FBH1: variants seen among roughly 807,000 people sequenced by gnomAD.
The protein encoded by FBH1 is DNA 3'-5' helicase 1.
In FBH1, 43 loss-of-function variants were observed where a neutral mutation model predicts 115.5. The observed-to-expected ratio is 0.37, with a 90% CI of 0.29 to 0.48. The LOEUF is 0.48. Among genes scored for constraint, FBH1 ranks in the 20% least tolerant of loss-of-function variants. FBH1 has a pLI of 0.99. For synonymous variants in FBH1, 524 were observed against 507.8 expected (o/e 1.03, Z -0.43); for missense variants, 1,001 against 1,337.3 (o/e 0.75, Z 3.92).
rs1458082047 is a variant in FBH1, at chr10:5,901,963, A to G, written c.2-1057A>G. 3.3e-5 allele frequency among the ~76,000 whole-genome samples: 5 copies of G among 152,366 alleles called. No homozygotes were observed. The East Asian group carries it at 9.6e-4, about 29-fold the overall frequency. The stretch of plus-strand genomic sequence containing the variant: ...TGCAGTAACAGATGCAGAAGCATGG[A>G]GAGTCTTGGTTACACATGGATAAGA... On this transcript the variant is annotated intron_variant, in intron 1 of 20. Transcript: ENST00000362091.
chr10:5,919,476 ACT>A (rs755662754), intron 13 of FBH1, among the ~76,000 whole-genome samples: 2 of 152,006 alleles, frequency 1.3e-5, no homozygotes, highest in Non-Finnish European at 2.9e-5. Flanking sequence ...ACAGAATGAG[ACT>A]CTGTCTTAAA....
Position 5,936,242 on chromosome 10 carries a change from T to C in FBH1, c.2830-214T>C, listed in dbSNP as rs1351579957. 4 of 374,644 alleles carry C rather than the reference T, an allele frequency of 1.1e-5. No individual in the cohort carries two copies. The highest frequency in any genetic ancestry group is 2.0e-5 in the Non-Finnish European group (4 of 199,200). 23.2% of individuals were successfully genotyped at this position (374,644 alleles called of 1,614,324 possible). ...TGTTTATCTGTTAAATATATATATA[T>C]TTAAAAAGCAATTGGACTGTCAGTT... is the stretch of plus-strand genomic sequence containing the variant. On this transcript the variant is annotated intron_variant, in intron 19 of 20. Transcript: ENST00000362091. This position sits in a 1 kb window ranked among gnomAD's most constrained non-coding sequence, Gnocchi z 5.6.
In FBH1 at chr10:5,909,272, C is replaced by T. The variant is rs745630568; in HGVS notation, c.998C>T (p.Pro333Leu). ...EAEACVRQHLPDLYAAAGGVN... is the reference protein window; with the variant it reads ...EAEACVRQHLLDLYAAAGGVN... ...GAGGCGTGTGTGCGGCAACACCTCCCCGACCTCTACGCTGCTGCCGGGGTA... is the reference window on the plus strand; with the variant it reads ...GAGGCGTGTGTGCGGCAACACCTCCTCGACCTCTACGCTGCTGCCGGGGTA... The change falls in exon 5 of 21, where the codon CCC (proline) becomes CTC (leucine). Residue 333 changes from proline (P) to leucine (L), a missense_variant. Transcript: ENST00000362091. The surrounding 1 kb of genome is among the most constrained non-coding windows in gnomAD (Gnocchi z 4.4). 5 of 1,611,242 alleles carry T rather than the reference C, an allele frequency of 3.1e-6. No homozygotes were observed. The Admixed American group carries it at 5.0e-5, about 16-fold the overall frequency.
In FBH1 at chr10:5,917,120, G is replaced by C; in HGVS notation, c.1789-300G>C. 3.0e-6 allele frequency: 1 copy of C among 336,040 alleles called. No homozygotes were observed. Among genetic ancestry groups the C allele is most frequent in the East Asian group, 5.7e-5 (1 of 17,572 alleles). The allele number at this position is 336,040 out of a possible 1,614,324, so 20.8% of individuals were successfully genotyped here. On this transcript the variant is annotated intron_variant, in intron 10 of 20. Coordinates refer to ENST00000362091, the MANE Select transcript of FBH1 (RefSeq NM_178150.3). The surrounding 1 kb of genome is among the most constrained non-coding windows in gnomAD (Gnocchi z 5.6). The stretch of plus-strand genomic sequence containing the variant: ...TTCAATCATGTGCCATTGTTTTTGT[G>C]AATTAAGCATCAGTCATAAATCTAG...
rs1413868981 is a variant in FBH1, at chr10:5,933,013, G to C, written c.2830-3443G>C. On this transcript the variant is annotated intron_variant, in intron 19 of 20. Transcript: ENST00000362091. The surrounding 1 kb of genome is among the most constrained non-coding windows in gnomAD (Gnocchi z 4.9). The stretch of plus-strand genomic sequence containing the variant: ...ATTACAGGCATGAGCCACTGCACCT[G>C]GCCAAGTGTGACTTTTCTAGATGTT... Among the ~76,000 whole-genome samples the C allele has an allele frequency of 6.6e-6, 1 of 152,018 alleles. No homozygotes were observed. The highest frequency in any genetic ancestry group is 1.5e-5 in the Non-Finnish European group (1 of 68,008).
chr10:5,895,722 G>C lies in FBH1; in HGVS notation c.1+5376G>C, dbSNP rs1842964359. Among the ~76,000 whole-genome samples the C allele has an allele frequency of 6.6e-6, 1 of 152,184 alleles. No individual in the cohort carries two copies. Among genetic ancestry groups the C allele is most frequent in the African/African-American group, 2.4e-5 (1 of 41,438 alleles). On this transcript the variant is annotated intron_variant, in intron 1 of 20. Coordinates refer to ENST00000362091, the MANE Select transcript of FBH1 (RefSeq NM_178150.3). This position sits in a 1 kb window ranked among gnomAD's most constrained non-coding sequence, Gnocchi z 5.0. ...TAGTCCGAGGATTGAGGCTGCTGGA[G>C]GCTCTTCTATTTTGAACACCCGGCT... is the stretch of plus-strand genomic sequence containing the variant.
Position 5,909,265 on chromosome 10 carries a change from C to T in FBH1, c.991C>T (p.His331Tyr). Residue 331 changes from histidine to tyrosine, a missense_variant, in exon 5 of 21, where the codon CAC becomes TAC. Physicochemically the swap from His to Tyr is moderately conservative, Grantham distance 83 (BLOSUM62 2). Transcript: ENST00000362091. This position sits in a 1 kb window ranked among gnomAD's most constrained non-coding sequence, Gnocchi z 4.4. ...LPEAEACVRQ[H>Y]LPDLYAAAGG... ...CGAGGCTGAGGCGTGTGTGCGGCAA[C>T]ACCTCCCCGACCTCTACGCTGCTGC... 1 of 1,611,874 alleles carries T rather than the reference C, an allele frequency of 6.2e-7. No individual in the cohort carries two copies. Among genetic ancestry groups the T allele is most frequent in the Admixed American group, 1.7e-5 (1 of 60,022 alleles).
chr10:5,904,217 G>C (rs1843556342), intron 2 of FBH1, among the ~76,000 whole-genome samples: 1 of 151,948 alleles, frequency 6.6e-6, no homozygotes, highest in South Asian at 2.1e-4. Context: ...TTTTTTTGTA[G>C]AGACAGGGTT....
intron 3 of FBH1, among the ~76,000 whole-genome samples, chr10:5,907,108 G>A (rs545190796): frequency 2.0e-5 from 3 of 151,856 alleles, no homozygotes; most frequent in East Asian, 3.9e-4. Context: ...GATTACAGGC[G>A]TGCGCCACCA....
At chr10:5,920,321 C>G (rs1482173594) in intron 13 of FBH1, among the ~76,000 whole-genome samples, 6 of 152,214 alleles carry the variant, frequency 3.9e-5, no homozygotes, top group Non-Finnish European at 7.3e-5. Context: ...TGGCTCATGA[C>G]TTGATGTTGA....
Position 5,925,302 on chromosome 10 carries a change from G to T in FBH1, c.2597-65G>T, listed in dbSNP as rs902354923. On this transcript the variant is annotated intron_variant, in intron 17 of 20. Coordinates refer to ENST00000362091, the MANE Select transcript of FBH1 (RefSeq NM_178150.3). The surrounding 1 kb of genome is among the most constrained non-coding windows in gnomAD (Gnocchi z 4.6). The stretch of plus-strand genomic sequence containing the variant: ...TCAGAGTCAAGTGGGAAACATGTAT[G>T]TTTTTGTCATCTTGTTTCTTTCCCT... The T allele has an allele frequency of 8.2e-5, 130 of 1,583,792 alleles. No homozygotes were observed. The African/African-American group carries it at 1.5e-3, about 18-fold the overall frequency.
At position 5,937,268 on chromosome 10, in the gene FBH1, C is replaced by A; in HGVS notation, c.3120C>A (p.Phe1040Leu). The A allele has an allele frequency of 6.2e-7, 1 of 1,601,176 alleles. No homozygotes were observed. Reference sequence around the variant, plus strand: ...TGCCCCGGCATGAGGCCCTGCTCTTCCTCGTCTTCTGAGGACAAGGCGCAC... The same window carrying A: ...TGCCCCGGCATGAGGCCCTGCTCTTACTCGTCTTCTGAGGACAAGGCGCAC... ...IVLPRHEALLFLVF is the reference protein window; with the variant it reads ...IVLPRHEALLLLVF The change falls in exon 21 of 21, where the codon TTC becomes TTA. Residue 1040 changes from phenylalanine (F) to leucine (L), a missense_variant. Physicochemically the swap from Phe to Leu is conservative, Grantham distance 22. Coordinates refer to ENST00000362091, the MANE Select transcript of FBH1 (RefSeq NM_178150.3).
intron 1 of FBH1, chr10:5,894,623 T>A (rs998810561): frequency 9.5e-6 from 7 of 733,272 alleles, no homozygotes; most frequent in Non-Finnish European, 1.5e-5. Context: ...TTAGGAGCTC[T>A]GGGAGAGTTG....
chr10:5,906,767 A>G lies in FBH1; in HGVS notation c.753+135A>G. On this transcript the variant is annotated intron_variant, in intron 3 of 20. Coordinates refer to ENST00000362091, the MANE Select transcript of FBH1 (RefSeq NM_178150.3). The surrounding 1 kb of genome is among the most constrained non-coding windows in gnomAD (Gnocchi z 7.3). ...GAAGACATTCAGACTCCTTAGAGGC[A>G]TTTAAGGCCTTCCGTGTCTGCCCCA... The G allele has an allele frequency of 1.5e-6, 1 of 686,558 alleles. No homozygotes were observed. The allele number at this position is 686,558 out of a possible 1,614,324, so 42.5% of individuals were successfully genotyped here. A position where few individuals can be genotyped will look rare whatever the true frequency, so the allele number is the denominator to read the frequency against.
In FBH1 at chr10:5,909,216, T is replaced by C. The variant is rs977301146; in HGVS notation, c.942T>C (p.Ser314=). 2 of 1,613,202 alleles carry C rather than the reference T, an allele frequency of 1.2e-6. No individual in the cohort carries two copies. Among genetic ancestry groups the C allele is most frequent in the East Asian group, 4.5e-5 (2 of 44,882 alleles). Reference sequence around the variant, plus strand: ...TGGATCCCGAGAGGGTGCTGTGGAGTCTGAGGGACCACCCCCTCCTCCCCG... The same window carrying C: ...TGGATCCCGAGAGGGTGCTGTGGAGCCTGAGGGACCACCCCCTCCTCCCCG... ...PSVDPERVLW[S]LRDHPLLPEA... is the part of the protein sequence containing the mutation. The change falls in exon 5 of 21, where the codon AGT becomes AGC. Residue 314 remains serine (S), a synonymous_variant. Transcript: ENST00000362091. This position sits in a 1 kb window ranked among gnomAD's most constrained non-coding sequence, Gnocchi z 4.4.
At chr10:5,903,302 C>T in intron 2 of FBH1, 127 bp downstream of exon 2, 2 of 588,684 alleles carry the variant, frequency 3.4e-6, no homozygotes, top group Admixed American at 4.2e-5. Flanking sequence ...AATAGCTTGA[C>T]ACTTTTTTTA....
At position 5,915,321 on chromosome 10, in the gene FBH1, G is replaced by A. The variant is rs1831857929; in HGVS notation, c.1397-82G>A. 6.9e-7 allele frequency: 1 copy of A among 1,457,986 alleles called. No homozygotes were observed. The highest frequency in any genetic ancestry group is 9.4e-7 in the Non-Finnish European group (1 of 1,062,534). The allele number at this position is 1,457,986 out of a possible 1,614,324, so 90.3% of individuals were successfully genotyped here. A position where few individuals can be genotyped will look rare whatever the true frequency, so the allele number is the denominator to read the frequency against. On this transcript the variant is annotated intron_variant, in intron 8 of 20. Transcript: ENST00000362091. This position sits in a 1 kb window ranked among gnomAD's most constrained non-coding sequence, Gnocchi z 5.2. ...TGCTCTCAAGACAGAGGTGTGATAA[G>A]CCTGGACAAGGCCTGATTGGGGATC... is the stretch of plus-strand genomic sequence containing the variant.
chr10:5,930,560 C>G (rs1832909653), intron 19 of FBH1, among the ~76,000 whole-genome samples: 1 of 152,216 alleles, frequency 6.6e-6, no homozygotes, highest in South Asian at 2.1e-4. Context: ...CCATGGGAGG[C>G]CGGAGAGGGC....
rs146742156 is a variant in FBH1, at chr10:5,903,145, C to A, written c.127C>A (p.Pro43Thr). The A allele has an allele frequency of 4.3e-6, 7 of 1,612,870 alleles. No homozygotes were observed. The highest frequency in any genetic ancestry group is 5.9e-6 in the Non-Finnish European group (7 of 1,179,436). ...TNRDPNHGLY[P>T]KPRTKRGSRG... ...CAGAGATCCGAACCATGGTCTCTAT[C>A]CTAAACCGAGAACAAAAAGAGGGAG... The change falls in exon 2 of 21, where the codon CCT becomes ACT. Residue 43 changes from proline (P) to threonine (T), a missense_variant. Pro to Thr is a conservative substitution (Grantham distance 38). Around this residue, in one of 4 missense-constraint regions of FBH1, gnomAD observed 420 missense variants for 430.4 expected, o/e 0.98. Coordinates refer to ENST00000362091, the MANE Select transcript of FBH1 (RefSeq NM_178150.3).
Sources: allele counts gnomAD v4.1 joint callset (sites outside exome capture counted in the v4.1 genomes callset), GRCh38; gene constraint gnomAD v4.1.1; regional missense constraint gnomAD v4.1.1; non-coding constraint Gnocchi (gnomAD v3.1); transcripts MANE v1.5; gene names NCBI Gene and HGNC (gene_info 2026-07-23, HGNC 2026-07-21).